GAB2: variants seen among roughly 807,000 people sequenced by gnomAD.
GAB2 encodes GRB2 associated binding protein 2.
GAB2 carries 26 observed loss-of-function variants against 65.5 expected under a neutral mutation model. The ratio of observed to expected loss-of-function variants is 0.40; its 90% confidence interval spans 0.29 to 0.55. The LOEUF (loss-of-function observed/expected upper bound fraction) is 0.55, where lower values mean the gene tolerates loss of function less well. GAB2 is among the 20% of genes least tolerant of loss of function. The pLI is 0.53. For missense variants in GAB2, 884 were observed against 875.8 expected, an observed-to-expected ratio of 1.01 and a Z score of -0.12; for synonymous variants, 321 against 329.6, an observed-to-expected ratio of 0.97 and a Z score of 0.28.
In GAB2 at chr11:78,223,418, G is replaced by A. The variant is rs763198440; in HGVS notation, c.1561C>T (p.Arg521Trp). 5.9e-6 allele frequency: 9 copies of A among 1,525,420 alleles called. No homozygotes were observed. The highest frequency in any genetic ancestry group is 7.9e-6 in the Non-Finnish European group (9 of 1,134,920). 94.5% of individuals were successfully genotyped at this position (1,525,420 alleles called of 1,614,324 possible). The change falls in exon 6 of 10, where the codon CGG becomes TGG. Residue 521 changes from arginine (R) to tryptophan (W), a missense_variant. Transcript: ENST00000361507. Reference sequence around the variant, plus strand: ...GGGGAAAGAATGGACTTACCTTTCCGATCAGGTTTGAGGTTGCGGTTGACA... The same window carrying A: ...GGGGAAAGAATGGACTTACCTTTCCAATCAGGTTTGAGGTTGCGGTTGACA... ...PPVNRNLKPD[R>W]KAKPTPLDLR...
chr11:78,264,406 C>CT (rs71473373), intron 2 of GAB2, among the ~76,000 whole-genome samples: 2,404 of 146,044 alleles, frequency 0.016, 24 homozygotes, highest in Non-Finnish European at 0.025. Flanking sequence ...ATTTCTTTTT[C>CT]TTTTTTTTTT....
intron 1 of GAB2, among the ~76,000 whole-genome samples, chr11:78,402,088 TTC>T (rs111592114): frequency 0.024 from 3,681 of 152,262 alleles, 146 homozygotes; most frequent in African/African-American, 0.083. Flanking sequence ...AGCCCAGGTA[TTC>T]TCTCTTACTT....
At chr11:78,365,394 C>T (rs1030308490) in intron 1 of GAB2, among the ~76,000 whole-genome samples, 2 of 152,148 alleles carry the variant, frequency 1.3e-5, no homozygotes, top group Admixed American at 6.5e-5. Context: ...TTACTAAATG[C>T]TAATTAGATT....
In GAB2 at chr11:78,223,492, AG is replaced by A; in HGVS notation, c.1486del (p.Leu496PhefsTer35). ...TCTGCTGGGGCCTCGGTGCACAGGA[AG>A]GGTTGTTGATGGGTAGCCAAGTGAG... ...FDSLGYPSTT[L>X]PVHRGPSRGS... On this transcript the variant is annotated frameshift_variant, in exon 6 of 10. Transcript: ENST00000361507. LOFTEE classifies it high-confidence loss of function. 6.2e-7 allele frequency: 1 copy of A among 1,609,472 alleles called. No individual in the cohort carries two copies. The highest frequency in any genetic ancestry group is 8.5e-7 in the Non-Finnish European group (1 of 1,177,582).
Position 78,250,280 on chromosome 11 carries a change from T to C in GAB2, c.497A>G (p.Gln166Arg), listed in dbSNP as rs757029675. The C allele has an allele frequency of 1.2e-6, 2 of 1,613,336 alleles. No individual in the cohort carries two copies. Among genetic ancestry groups the C allele is most frequent in the African/African-American group, 1.3e-5 (1 of 74,682 alleles). ...RKSSAPSHSS[Q>R]PTLFTFEPPV... is the part of the protein sequence containing the mutation. ...GGGTTCAAACGTGAACAGAGTTGGC[T>C]GGCTGGAGTGTGATGGGGCTGAGGA... Residue 166 changes from glutamine to arginine, a missense_variant, in exon 3 of 10, where the codon CAG becomes CGG. Physicochemically the swap from Gln to Arg is conservative, Grantham distance 43 (BLOSUM62 1). Transcript: ENST00000361507.
chr11:78,381,219 C>T, intron 1 of GAB2, among the ~76,000 whole-genome samples: 1 of 152,222 alleles, frequency 6.6e-6, no homozygotes, highest in East Asian at 1.9e-4. Flanking sequence ...CCATCCATCT[C>T]ATTTACTAGA....
intron 1 of GAB2, among the ~76,000 whole-genome samples, chr11:78,293,245 G>A (rs1022684373): frequency 6.6e-6 from 1 of 152,050 alleles, no homozygotes; most frequent in Non-Finnish European, 1.5e-5. Context: ...AGTTTCCCTC[G>A]GACTCTAAAG....
intron 9 of GAB2, among the ~76,000 whole-genome samples, chr11:78,219,993 T>C (rs1305962132): frequency 6.6e-6 from 1 of 152,124 alleles, no homozygotes; most frequent in African/African-American, 2.4e-5. Flanking sequence ...GGAGGCAGTA[T>C]CCTCATTCCT....
chr11:78,233,594 C>T (rs1864906060), intron 3 of GAB2, among the ~76,000 whole-genome samples: 2 of 151,910 alleles, frequency 1.3e-5, no homozygotes, highest in African/African-American at 2.4e-5. Flanking sequence ...AATATTTTCT[C>T]GCATTTTGTG....
At chr11:78,310,530 A>G (rs1000249503) in intron 1 of GAB2, among the ~76,000 whole-genome samples, 1 of 148,468 alleles carries the variant, frequency 6.7e-6, no homozygotes, top group Non-Finnish European at 1.5e-5. Context: ...AAAAAAAAAA[A>G]GAAAAAAAAA....
chr11:78,245,116 C>G (rs1865260576), intron 3 of GAB2, among the ~76,000 whole-genome samples: 1 of 152,064 alleles, frequency 6.6e-6, no homozygotes, highest in Admixed American at 6.5e-5. Flanking sequence ...AAGTCAGACT[C>G]ACACAGACAG....
At chr11:78,404,935 C>T (rs990428658) in intron 1 of GAB2, among the ~76,000 whole-genome samples, 3 of 151,932 alleles carry the variant, frequency 2.0e-5, no homozygotes, top group Admixed American at 6.6e-5. Context: ...AAATGATAAA[C>T]GTTTGAGGTG....
intron 1 of GAB2, among the ~76,000 whole-genome samples, chr11:78,285,309 G>C (rs1354551591): frequency 6.6e-6 from 1 of 152,202 alleles, no homozygotes; most frequent in Non-Finnish European, 1.5e-5. Flanking sequence ...GTTTGCTACA[G>C]ATAATATCAG....
chr11:78,316,914 T>C (rs908497964), intron 1 of GAB2, among the ~76,000 whole-genome samples: 1 of 152,162 alleles, frequency 6.6e-6, no homozygotes, highest in African/African-American at 2.4e-5. Context: ...AATGGAGATA[T>C]AAAACACAGT....
Position 78,219,241 on chromosome 11 carries a change from C to T in GAB2, c.*31G>A, listed in dbSNP as rs1451873820. ...ATGGGAAGGGCCAGCTCTGGAGATG[C>T]TGCCTCCTGGGCTCTGCGGTGGCCC... is the stretch of plus-strand genomic sequence containing the variant. On this transcript the variant is annotated 3_prime_UTR_variant, in exon 10 of 10. Coordinates refer to ENST00000361507, the MANE Select transcript of GAB2 (RefSeq NM_080491.3). The T allele has an allele frequency of 1.2e-6, 2 of 1,606,006 alleles. No homozygotes were observed. The highest frequency in any genetic ancestry group is 8.5e-7 in the Non-Finnish European group (1 of 1,175,724).
chr11:78,324,637 A>G (rs908482661), intron 1 of GAB2: 7 of 152,202 alleles, frequency 4.6e-5, no homozygotes, highest in African/African-American at 1.7e-4. Context: ...ATGCCATGCT[A>G]AGTGCTTTAT....
chr11:78,300,685 G>GTTTTTTTTTTGTTT (rs763136988), intron 1 of GAB2, among the ~76,000 whole-genome samples: 3 of 120,684 alleles, frequency 2.5e-5, no homozygotes, highest in African/African-American at 1.1e-4. Context: ...TTTTTTTTTG[G>GTTTTTTTTTTGTTT]TTTTTTTTTG....
At chr11:78,337,653 C>T (rs932652620) in intron 1 of GAB2, among the ~76,000 whole-genome samples, 21 of 152,194 alleles carry the variant, frequency 1.4e-4, no homozygotes, top group Admixed American at 9.8e-4. Context: ...CATCCCTACC[C>T]TATCTCAAGT....
At chr11:78,332,886 T>G (rs1855939133) in intron 1 of GAB2, among the ~76,000 whole-genome samples, 1 of 152,122 alleles carries the variant, frequency 6.6e-6, no homozygotes. Context: ...AAGATATAGT[T>G]TTTGTTTTTT....
Sources: allele counts gnomAD v4.1 joint callset (sites outside exome capture counted in the v4.1 genomes callset), GRCh38; gene constraint gnomAD v4.1.1; transcripts MANE v1.5; gene names NCBI Gene and HGNC (gene_info 2026-07-23, HGNC 2026-07-21).